The following ANGPTL7 variants were observed in gnomAD, a reference collection of about 807,000 sequenced individuals.
ANGPTL7 encodes the protein angiopoietin like 7.
Under a neutral mutation model 38.8 loss-of-function variants are expected in ANGPTL7, and 37 were observed. That is an observed-to-expected ratio of 0.95 (90% CI 0.73 to 1.25). ANGPTL7 has a LOEUF of 1.25. Ranked by LOEUF, ANGPTL7 falls within the 50% of genes most tolerant of loss-of-function variation. ANGPTL7 has a pLI of 0.00. For synonymous variants in ANGPTL7, 166 were observed against 163.2 expected, an observed-to-expected ratio of 1.02 and a Z score of -0.13; for missense variants, 427 against 438.6, an observed-to-expected ratio of 0.97 and a Z score of 0.24.
Position 11,192,285 on chromosome 1 carries a change from G to A in ANGPTL7, c.392G>A (p.Cys131Tyr), listed in dbSNP as rs1645569709. Reference sequence around the variant, plus strand: ...TCTCTTGTAGATGCCATCTACGACTGCTCTTCCCTCTACCAGAAGAACTAC... The same window carrying A: ...TCTCTTGTAGATGCCATCTACGACTACTCTTCCCTCTACCAGAAGAACTAC... ...TQTSADAIYD[C>Y]SSLYQKNYRI... The change falls in exon 2 of 5, where the codon TGC (cysteine) becomes TAC (tyrosine). Residue 131 changes from cysteine to tyrosine, a missense_variant. Cys to Tyr is a radical substitution (Grantham distance 194, BLOSUM62 -2). Transcript: ENST00000376819. The A allele has an allele frequency of 6.2e-7, 1 of 1,613,638 alleles. No homozygotes were observed. Among genetic ancestry groups the A allele is most frequent in the East Asian group, 2.2e-5 (1 of 44,884 alleles).
rs1359756575 is a variant in ANGPTL7 at position 11,195,636 on chromosome 1, C to CT, written c.*614dup. 1 of 153,820 alleles carries CT rather than the reference C, an allele frequency of 6.5e-6. No individual in the cohort carries two copies. The highest frequency in any genetic ancestry group is 1.5e-5 in the Non-Finnish European group (1 of 68,942). 9.5% of individuals were successfully genotyped at this position (153,820 alleles called of 1,614,324 possible). On this transcript the variant is annotated 3_prime_UTR_variant, in exon 5 of 5. Transcript: ENST00000376819. ...GGGCACTGCATCTGGCGATCAGACT[C>CT]TGAGCACTGCCCCTGCTCGCCTTGG...
intron 3 of ANGPTL7, among the ~76,000 whole-genome samples, 175 bp downstream of exon 3, chr1:11,193,949 ACCCC>A (rs5772444): frequency 6.6e-6 from 1 of 151,976 alleles, no homozygotes; most frequent in Non-Finnish European, 1.5e-5. Context: ...CCTTTCTGCA[ACCCC>A]CCCAACCCCC....
rs775184224 is a variant in ANGPTL7 at position 11,194,590 on chromosome 1, A to T, written c.802A>T (p.Asn268Tyr). ...GAACGACGCCCTCCAGTATCATAAC[A>T]ACACAGCCTTCAGCACCAAGGACAA... Reference protein sequence around the residue: ...VGNDALQYHNNTAFSTKDKDN... With the variant: ...VGNDALQYHNYTAFSTKDKDN... Residue 268 changes from asparagine (N) to tyrosine (Y), a missense_variant, in exon 4 of 5, where the codon AAC becomes TAC. Physicochemically the swap from Asn to Tyr is moderately radical, Grantham distance 143 (BLOSUM62 -2). Coordinates refer to ENST00000376819, the MANE Select transcript of ANGPTL7 (RefSeq NM_021146.4). 1 of 1,614,198 alleles carries T rather than the reference A, an allele frequency of 6.2e-7. No homozygotes were observed. The highest frequency in any genetic ancestry group is 1.7e-5 in the Admixed American group (1 of 60,026).
In ANGPTL7 at chr1:11,194,568, CG is replaced by C; in HGVS notation, c.781del (p.Asp261ThrfsTer77). 2 of 1,614,150 alleles carry C rather than the reference CG, an allele frequency of 1.2e-6. No individual in the cohort carries two copies. The highest frequency in any genetic ancestry group is 1.7e-6 in the Non-Finnish European group (2 of 1,180,030). On this transcript the variant is annotated frameshift_variant, in exon 4 of 5. Coordinates refer to ENST00000376819, the MANE Select transcript of ANGPTL7 (RefSeq NM_021146.4). LOFTEE classifies it high-confidence loss of function. ...GGAACTACACTGGCAATGTGGGGAA[CG>C]ACGCCCTCCAGTATCATAACAACAC... is the stretch of plus-strand genomic sequence containing the variant. ...LGNYTGNVGN[D>X]ALQYHNNTAF...
rs906774720 is a variant in ANGPTL7, at chr1:11,193,830, G to A, written c.672+56G>A. ...GACCAGTGCCACCACACATGACCGC[G>A]TACAACTCCGGGGGTGCCATTCCTA... On this transcript the variant is annotated intron_variant, in intron 3 of 4. Coordinates refer to ENST00000376819, the MANE Select transcript of ANGPTL7 (RefSeq NM_021146.4). 28 of 1,547,464 alleles carry A rather than the reference G, an allele frequency of 1.8e-5. 1 individual carries two copies. The highest frequency in any genetic ancestry group is 6.8e-5 in the East Asian group (3 of 43,934).
chr1:11,191,989 C>T, intron 1 of ANGPTL7, among the ~76,000 whole-genome samples: 1 of 152,138 alleles, frequency 6.6e-6, no homozygotes, highest in African/African-American at 2.4e-5. Context: ...CCAGCTATAG[C>T]AGAATAATTT....
At position 11,192,413 on chromosome 1, in the gene ANGPTL7, T is replaced by A. The variant is rs745339516; in HGVS notation, c.477+43T>A. On this transcript the variant is annotated intron_variant, in intron 2 of 4. Transcript: ENST00000376819. ...ACTGGCCATGCCCTAATACCTGTCC[T>A]TCACCCCCTCAAGGGGACTACAACA... 18 of 1,496,062 alleles carry A rather than the reference T, an allele frequency of 1.2e-5. No individual in the cohort carries two copies. The Admixed American group carries it at 3.0e-4, about 25-fold the overall frequency. 92.7% of individuals were successfully genotyped at this position (1,496,062 alleles called of 1,614,324 possible). A position where few individuals can be genotyped will look rare whatever the true frequency, so the allele number is the denominator to read the frequency against.
chr1:11,190,739 T>C (rs947088384), intron 1 of ANGPTL7, among the ~76,000 whole-genome samples: 1 of 152,100 alleles, frequency 6.6e-6, no homozygotes, highest in African/African-American at 2.4e-5. Context: ...AAAAATTTGG[T>C]TTTCTGAAAT....
chr1:11,194,344 T>C (rs188299532), intron 3 of ANGPTL7, 117 bp from the exon 4 acceptor site: 1 of 947,828 alleles, frequency 1.1e-6, no homozygotes, highest in South Asian at 1.5e-5. Flanking sequence ...AAAGTCTTAT[T>C]AGATTCACAC....
At position 11,189,685 on chromosome 1, in the gene ANGPTL7, G is replaced by C. The variant is rs774790467; in HGVS notation, c.106G>C (p.Ala36Pro). The C allele has an allele frequency of 6.2e-7, 1 of 1,614,194 alleles. No individual in the cohort carries two copies. The highest frequency in any genetic ancestry group is 2.2e-5 in the East Asian group (1 of 44,868). Reference protein sequence around the residue: ...LQKLSKHKTPAQPQLKAANCC... With the variant: ...LQKLSKHKTPPQPQLKAANCC... ...GAAGCTCTCTAAGCACAAGACACCA[G>C]CACAGCCACAGCTCAAAGCGGCCAA... The change falls in exon 1 of 5, where the codon GCA becomes CCA. Residue 36 changes from alanine to proline, a missense_variant. Ala to Pro is a conservative substitution (Grantham distance 27). Coordinates refer to ENST00000376819, the MANE Select transcript of ANGPTL7 (RefSeq NM_021146.4).
intron 3 of ANGPTL7, 36 bp downstream of exon 3, chr1:11,193,810 G>C (rs1016034503): frequency 6.2e-7 from 1 of 1,608,376 alleles, no homozygotes; most frequent in Non-Finnish European, 8.5e-7. Context: ...GACTGGACCA[G>C]TGCCACCACA....
At chr1:11,194,215 G>C (rs1453744971) in intron 3 of ANGPTL7, among the ~76,000 whole-genome samples, 2 of 152,210 alleles carry the variant, frequency 1.3e-5, no homozygotes, top group African/African-American at 2.4e-5. Flanking sequence ...TTATAAGCAG[G>C]AAAGTGAGGA....
intron 3 of ANGPTL7, 29 bp downstream of exon 3, chr1:11,193,803 T>C: frequency 1.2e-6 from 2 of 1,612,010 alleles, no homozygotes; most frequent in Non-Finnish European, 1.7e-6. Flanking sequence ...GCCCCATGAC[T>C]GGACCAGTGC....
chr1:11,190,735 T>C (rs1645495713), intron 1 of ANGPTL7, among the ~76,000 whole-genome samples: 1 of 152,188 alleles, frequency 6.6e-6, no homozygotes. Flanking sequence ...AGATAAAAAT[T>C]TGGTTTTCTG....
rs1645447721 is a variant in ANGPTL7 at position 11,189,655 on chromosome 1, C to A, written c.76C>A (p.Leu26Met). 1 of 1,614,106 alleles carries A rather than the reference C, an allele frequency of 6.2e-7. No homozygotes were observed. Among genetic ancestry groups the A allele is most frequent in the South Asian group, 1.1e-5 (1 of 91,088 alleles). ...GGCCTTTGTCAGCCACCCAGCGTGGCTGCAGAAGCTCTCTAAGCACAAGAC... is the reference window on the plus strand; with the variant it reads ...GGCCTTTGTCAGCCACCCAGCGTGGATGCAGAAGCTCTCTAAGCACAAGAC... ...IVAFVSHPAW[L>M]QKLSKHKTPA... Residue 26 changes from leucine to methionine, a missense_variant, in exon 1 of 5, where the codon CTG becomes ATG. Leu to Met is a conservative substitution (Grantham distance 15). Coordinates refer to ENST00000376819, the MANE Select transcript of ANGPTL7 (RefSeq NM_021146.4).
Position 11,189,555 on chromosome 1 carries a change from C to G in ANGPTL7, c.-25C>G, listed in dbSNP as rs746666561. 3 of 1,564,716 alleles carry G rather than the reference C, an allele frequency of 1.9e-6. No homozygotes were observed. The highest frequency in any genetic ancestry group is 2.5e-5 in the South Asian group (2 of 81,536). On this transcript the variant is annotated 5_prime_UTR_variant, in exon 1 of 5. Transcript: ENST00000376819. ...TCTCCAGACTCCCCTGAAGGAAGAG[C>G]CTTCCTCACCCAAACCCACAAAAGA...
At chr1:11,194,361 A>T in intron 3 of ANGPTL7, 100 bp from the exon 4 acceptor site, 1 of 1,110,480 alleles carries the variant, frequency 9.0e-7, no homozygotes, top group Non-Finnish European at 1.3e-6. Flanking sequence ...ACACCTATAA[A>T]AAGATGTTTG....
At chr1:11,190,345 T>C (rs1398168989) in intron 1 of ANGPTL7, among the ~76,000 whole-genome samples, 2 of 152,216 alleles carry the variant, frequency 1.3e-5, no homozygotes, top group African/African-American at 2.4e-5. Context: ...GCTGTTCCTC[T>C]GGAAGCAAAG....
intron 3 of ANGPTL7, 64 bp from the exon 4 acceptor site, chr1:11,194,397 G>C (rs1645691953): frequency 6.8e-7 from 1 of 1,480,154 alleles, no homozygotes; most frequent in Non-Finnish European, 9.4e-7. Flanking sequence ...GGAGAGAAGG[G>C]GTATAGAGAC....
Sources: gnomAD v4.1 joint callset for allele counts (sites outside exome capture counted in the v4.1 genomes callset) on GRCh38, gnomAD v4.1.1 for gene constraint, MANE v1.5 for transcripts, NCBI Gene and HGNC (gene_info 2026-07-23, HGNC 2026-07-21) for gene names.